The following MEI4 variants were observed in gnomAD, a reference collection of about 807,000 sequenced individuals.
MEI4 encodes meiosis-specific protein MEI4.
Under a neutral mutation model 31.4 loss-of-function variants are expected in MEI4, and 27 were observed. The observed-to-expected ratio is 0.86, with a 90% CI of 0.63 to 1.19. The LOEUF is 1.19. Ranked by LOEUF, MEI4 falls within the 50% of genes most tolerant of loss-of-function variation. MEI4 has a pLI of 0.00. For synonymous variants in MEI4, 122 were observed against 145.4 expected, an observed-to-expected ratio of 0.84 and a Z score of 1.16; for missense variants, 329 against 398.9, an observed-to-expected ratio of 0.82 and a Z score of 1.49.
chr6:77,670,680 T>G (rs970500140), intron 1 of MEI4, among the ~76,000 whole-genome samples: 1 of 152,202 alleles, frequency 6.6e-6, no homozygotes, highest in Non-Finnish European at 1.5e-5. Context: ...GTTCCTTTGT[T>G]TCCCTTTGCA....
In MEI4 at chr6:77,923,336, T is replaced by G. The variant is rs1324744670; in HGVS notation, c.1148T>G (p.Leu383Arg). Residue 383 changes from leucine to arginine, a missense_variant, in exon 5 of 5, where the codon CTT (leucine) becomes CGT (arginine). Leu to Arg is a moderately radical substitution (Grantham distance 102). Transcript: ENST00000684080. ...TTGAGCTCAGCACAGATAGAAACTC[T>G]TAGAAAATAACTCCATTCCTTAGCA... ...ILLSSAQIETLRK is the reference protein window; with the variant it reads ...ILLSSAQIETRRK 4.9e-6 allele frequency: 6 copies of G among 1,229,678 alleles called. No individual in the cohort carries two copies. Among genetic ancestry groups the G allele is most frequent in the Non-Finnish European group, 6.1e-6 (6 of 986,312 alleles). The allele number at this position is 1,229,678 out of a possible 1,614,324, so 76.2% of individuals were successfully genotyped here. A position where few individuals can be genotyped will look rare whatever the true frequency, so the allele number is the denominator to read the frequency against.
chr6:77,841,962 T>TA (rs1293771311), intron 4 of MEI4, among the ~76,000 whole-genome samples: 1 of 152,102 alleles, frequency 6.6e-6, no homozygotes, highest in Non-Finnish European at 1.5e-5. Flanking sequence ...GATAACATTG[T>TA]AGGGAGGACT....
chr6:77,661,692 T>C (rs2446249), intron 1 of MEI4, among the ~76,000 whole-genome samples: 118,109 of 152,030 alleles, frequency 0.78, 46,172 homozygotes, highest in African/African-American at 0.87. Context: ...TTGTAACCTA[T>C]GTGGAAGAGG....
intron 3 of MEI4, among the ~76,000 whole-genome samples, chr6:77,811,938 G>A (rs1769582980): frequency 6.6e-6 from 1 of 152,088 alleles, no homozygotes; most frequent in South Asian, 2.1e-4. Flanking sequence ...TATTTGATAT[G>A]TGTATGTGAT....
At chr6:77,655,717 A>G (rs914254605) in intron 1 of MEI4, among the ~76,000 whole-genome samples, 1 of 152,178 alleles carries the variant, frequency 6.6e-6, no homozygotes, top group Admixed American at 6.5e-5. Context: ...TGGGAGCACT[A>G]TTTAAAGTAA....
In MEI4 at chr6:77,708,423, A is replaced by G. The variant is rs912054112; in HGVS notation, c.232+17520A>G. Among the ~76,000 whole-genome samples the G allele has an allele frequency of 3.3e-5, 5 of 152,348 alleles. No individual in the cohort carries two copies. The East Asian group carries it at 7.7e-4, about 24-fold the overall frequency. ...CTTTTGATTTTACAGGCTCATAGGTAGAAGGAACTTGTCTTGAGTCTCAGA... is the reference window on the plus strand; with the variant it reads ...CTTTTGATTTTACAGGCTCATAGGTGGAAGGAACTTGTCTTGAGTCTCAGA... On this transcript the variant is annotated intron_variant, in intron 2 of 4. Transcript: ENST00000684080.
intron 2 of MEI4, among the ~76,000 whole-genome samples, chr6:77,734,879 C>T (rs1211021258): frequency 6.6e-6 from 1 of 151,756 alleles, no homozygotes; most frequent in Non-Finnish European, 1.5e-5. Flanking sequence ...GATTTTATTT[C>T]TCCTTCACTT....
chr6:77,651,810 C>G (rs558851137), upstream of MEI4, among the ~76,000 whole-genome samples: 3 of 152,112 alleles, frequency 2.0e-5, no homozygotes, highest in Non-Finnish European at 4.4e-5. Flanking sequence ...AATGGTCACA[C>G]AAAAATTGAT....
chr6:77,735,636 T>C (rs1199589302), intron 2 of MEI4, among the ~76,000 whole-genome samples: 1 of 152,130 alleles, frequency 6.6e-6, no homozygotes, highest in Non-Finnish European at 1.5e-5. Context: ...TCTTAGCTTG[T>C]CAAAGTCATT....
chr6:77,915,678 T>G (rs1766529038), intron 4 of MEI4, among the ~76,000 whole-genome samples: 1 of 152,042 alleles, frequency 6.6e-6, no homozygotes, highest in South Asian at 2.1e-4. Context: ...ATTGGTCCCT[T>G]TATAATTATA....
chr6:77,775,139 C>T (rs1454388755), intron 3 of MEI4, among the ~76,000 whole-genome samples: 2 of 151,014 alleles, frequency 1.3e-5, no homozygotes, highest in Non-Finnish European at 2.9e-5. Context: ...TCAGGATTAC[C>T]TCTTCATCTC....
rs186315318 is a variant in MEI4 at position 77,675,876 on chromosome 6, G to A, written c.-14-14782G>A. ...CTAGGCTTCGGATACAATTTCAGCC[G>A]AGTGTCCCTGAGGTGTTTCATTGCT... is the stretch of plus-strand genomic sequence containing the variant. On this transcript the variant is annotated intron_variant, in intron 1 of 4. Transcript: ENST00000684080. 6.0e-4 allele frequency among the ~76,000 whole-genome samples: 92 copies of A among 152,276 alleles called. 3 individuals are homozygous for A. The highest frequency in any genetic ancestry group is 3.4e-3 in the Admixed American group (52 of 15,292).
intron 4 of MEI4, among the ~76,000 whole-genome samples, chr6:77,894,513 CTGAT>C (rs1211904811): frequency 1.3e-5 from 2 of 151,886 alleles, no homozygotes; most frequent in African/African-American, 4.8e-5. Flanking sequence ...TTCTGATAAA[CTGAT>C]TGTATCGAAT....
chr6:77,916,607 C>A (rs1457376712), intron 4 of MEI4, among the ~76,000 whole-genome samples: 1 of 151,948 alleles, frequency 6.6e-6, no homozygotes, highest in Non-Finnish European at 1.5e-5. Context: ...TATTCCAAAT[C>A]TTTGTTGTCA....
chr6:77,853,861 C>A (rs889696139), intron 4 of MEI4, among the ~76,000 whole-genome samples: 12 of 152,176 alleles, frequency 7.9e-5, no homozygotes, highest in Non-Finnish European at 4.4e-5. Context: ...AAAGACTTTA[C>A]AACATTCCAC....
intron 2 of MEI4, among the ~76,000 whole-genome samples, chr6:77,695,667 C>G (rs1041999861): frequency 6.6e-6 from 1 of 152,108 alleles, no homozygotes; most frequent in African/African-American, 2.4e-5. Context: ...GTTACTGTAG[C>G]CTTGTAGTAT....
chr6:77,899,767 A>G (rs1205794326), intron 4 of MEI4, among the ~76,000 whole-genome samples: 1 of 152,064 alleles, frequency 6.6e-6, no homozygotes, highest in Non-Finnish European at 1.5e-5. Context: ...TTATGACTGA[A>G]TAGTATTCCA....
chr6:77,849,422 G>A (rs1770562021), intron 4 of MEI4, among the ~76,000 whole-genome samples: 1 of 152,156 alleles, frequency 6.6e-6, no homozygotes, highest in Non-Finnish European at 1.5e-5. Flanking sequence ...GCCTGTGTGT[G>A]TGAGAGGGGT....
At chr6:77,782,624 G>C (rs1401676557) in intron 3 of MEI4, among the ~76,000 whole-genome samples, 1 of 152,102 alleles carries the variant, frequency 6.6e-6, no homozygotes, top group Non-Finnish European at 1.5e-5. Context: ...TACTTTTAAG[G>C]GGAAAGAGGA....
Sources: allele counts gnomAD v4.1 joint callset (sites outside exome capture counted in the v4.1 genomes callset), GRCh38; gene constraint gnomAD v4.1.1; transcripts MANE v1.5; gene names NCBI Gene and HGNC (gene_info 2026-07-23, HGNC 2026-07-21).